Variants in MAK observed in about 807,000 individuals in gnomAD.
MAK encodes serine/threonine-protein kinase MAK.
A neutral mutation model predicts 82.6 loss-of-function variants in MAK; 65 were observed. The observed-to-expected ratio is 0.79, with a 90% CI of 0.64 to 0.97. MAK has a LOEUF of 0.97. Among genes scored for constraint, MAK ranks in the 50% least tolerant of loss-of-function variants. The pLI, the probability that MAK is intolerant of heterozygous loss-of-function variation, is 0.00. For missense variants in MAK, 703 were observed against 780.2 expected, an observed-to-expected ratio of 0.90 and a Z score of 1.18; for synonymous variants, 250 against 274.2, an observed-to-expected ratio of 0.91 and a Z score of 0.87.
chr6:10,784,989 T>G, intron 10 of MAK: 1 of 440,188 alleles, frequency 2.3e-6, no homozygotes, highest in Non-Finnish European at 4.5e-6. Context: ...AAAACTGAAA[T>G]GGGGAAAGAA....
intron 14 of MAK, 25 bp from the exon 15 acceptor site, chr6:10,764,631 C>T (rs1334850111): frequency 6.8e-6 from 11 of 1,607,994 alleles, no homozygotes; most frequent in Non-Finnish European, 9.4e-6. Context: ...ATTTGGAAAA[C>T]AGGGTTTTAC....
At chr6:10,837,765 T>C (rs1387138328) in intron 1 of MAK, among the ~76,000 whole-genome samples, 3 of 152,186 alleles carry the variant, frequency 2.0e-5, no homozygotes, top group Admixed American at 1.3e-4. Context: ...TCTCGACCTG[T>C]CCCTAAATTA....
chr6:10,788,826 G>T lies in MAK; in HGVS notation c.1316+2849C>A, dbSNP rs949560166. On this transcript the variant is annotated intron_variant, in intron 10 of 14. Coordinates refer to ENST00000354489, the MANE Select transcript of MAK (RefSeq NM_001242957.3). ...CTTCTGTTCCTAGACCCAAATAATT[G>T]TTTTTTAAATTATGTAACTCCCTGC... 5.9e-5 allele frequency among the ~76,000 whole-genome samples: 9 copies of T among 152,036 alleles called. No individual in the cohort carries two copies. The East Asian group carries it at 1.7e-3, about 29-fold the overall frequency.
intron 5 of MAK, among the ~76,000 whole-genome samples, chr6:10,813,124 ATATATATATAAATTT>A (rs1225576256): frequency 0.012 from 10 of 816 alleles, 1 homozygote; most frequent in Non-Finnish European, 0.023. Flanking sequence ...ATATATATAT[ATATATATATAAATTT>A]TTTTTTTTTT....
At chr6:10,834,329 A>T (rs1050801290) in intron 1 of MAK, among the ~76,000 whole-genome samples, 32 of 152,236 alleles carry the variant, frequency 2.1e-4, no homozygotes, top group African/African-American at 7.7e-4. Context: ...ACATGGAAGG[A>T]TTAAATGACC....
At chr6:10,781,243 G>T (rs1422798881) in intron 11 of MAK, among the ~76,000 whole-genome samples, 3 of 152,138 alleles carry the variant, frequency 2.0e-5, no homozygotes, top group African/African-American at 7.2e-5. Flanking sequence ...CTCATTCTGT[G>T]AGTGTCATGA....
In MAK at chr6:10,763,099, A is replaced by T. The variant is rs571917592; in HGVS notation, c.*1353T>A. The T allele has an allele frequency of 6.6e-6, 1 of 152,670 alleles. No homozygotes were observed. Among genetic ancestry groups the T allele is most frequent in the Admixed American group, 6.5e-5 (1 of 15,280 alleles). 9.5% of individuals were successfully genotyped at this position (152,670 alleles called of 1,614,324 possible). ...TGGCAGATTTAAACAGAGTAGCCCAAAGTTCGAAGTGTCTATTTAAAATAC... is the reference window on the plus strand; with the variant it reads ...TGGCAGATTTAAACAGAGTAGCCCATAGTTCGAAGTGTCTATTTAAAATAC... On this transcript the variant is annotated 3_prime_UTR_variant, in exon 15 of 15. Coordinates refer to ENST00000354489, the MANE Select transcript of MAK (RefSeq NM_001242957.3).
Position 10,764,445 on chromosome 6 carries a change from T to C in MAK, c.*7A>G, listed in dbSNP as rs370549111. The C allele has an allele frequency of 1.2e-6, 2 of 1,613,688 alleles. No individual in the cohort carries two copies. Among genetic ancestry groups the C allele is most frequent in the African/African-American group, 1.3e-5 (1 of 74,898 alleles). ...AGCAATGCTGTAGGGTTTCACACCATAGACTCCTACCGGTGGCCTCCATAC... is the reference window on the plus strand; with the variant it reads ...AGCAATGCTGTAGGGTTTCACACCACAGACTCCTACCGGTGGCCTCCATAC... On this transcript the variant is annotated 3_prime_UTR_variant, in exon 15 of 15. Coordinates refer to ENST00000354489, the MANE Select transcript of MAK (RefSeq NM_001242957.3).
intron 2 of MAK, among the ~76,000 whole-genome samples, chr6:10,829,532 C>T (rs1420733230): frequency 2.0e-5 from 3 of 152,078 alleles, no homozygotes; most frequent in Non-Finnish European, 2.9e-5. Flanking sequence ...CACCACTGCA[C>T]GCCAGCCTGG....
At chr6:10,764,661 A>G in intron 14 of MAK, 55 bp from the exon 15 acceptor site, 4 of 1,478,800 alleles carry the variant, frequency 2.7e-6, no homozygotes, top group Middle Eastern at 1.7e-4. Context: ...TATCAAACTC[A>G]AAATAAAGAA....
chr6:10,779,484 A>G, intron 11 of MAK: 1 of 985,286 alleles, frequency 1.0e-6, no homozygotes, highest in Non-Finnish European at 1.2e-6. Context: ...CTTGTAGTAT[A>G]ATGTCATGCT....
chr6:10,803,411 G>A (rs1302866601), intron 7 of MAK, among the ~76,000 whole-genome samples: 1 of 151,942 alleles, frequency 6.6e-6, no homozygotes, highest in Non-Finnish European at 1.5e-5. Flanking sequence ...CAGGCGTGGT[G>A]GTGCACACCT....
intron 1 of MAK, among the ~76,000 whole-genome samples, chr6:10,836,596 T>TTAAA: frequency 6.6e-6 from 1 of 152,232 alleles, no homozygotes; most frequent in Non-Finnish European, 1.5e-5. Flanking sequence ...CCCATGGTTC[T>TTAAA]CCAGTTCACG....
At position 10,803,705 on chromosome 6, in the gene MAK, G is replaced by A. The variant is rs914053587; in HGVS notation, c.663+15C>T. The A allele has an allele frequency of 1.2e-6, 2 of 1,607,206 alleles. No individual in the cohort carries two copies. Among genetic ancestry groups the A allele is most frequent in the Non-Finnish European group, 1.7e-6 (2 of 1,173,814 alleles). On this transcript the variant is annotated intron_variant, in intron 7 of 14. Transcript: ENST00000354489. ...TAATCAAAAGTTATAGCAACTTAGG[G>A]ACAAGAGTACTTACTTTTTTGGGAG...
chr6:10,807,359 T>TC (rs1776563419), intron 6 of MAK, among the ~76,000 whole-genome samples: 1 of 92,982 alleles, frequency 1.1e-5, no homozygotes, highest in Non-Finnish European at 2.4e-5. Context: ...TTTTTTTTTT[T>TC]TGAGAAAGAG....
intron 11 of MAK, among the ~76,000 whole-genome samples, chr6:10,783,429 TCTC>T (rs1313467702): frequency 2.0e-5 from 3 of 152,058 alleles, no homozygotes; most frequent in African/African-American, 7.2e-5. Context: ...TCCACAATCT[TCTC>T]CTCTTCTAAT....
chr6:10,773,171 G>A lies in MAK; in HGVS notation c.1598-63C>T, dbSNP rs577182776. The A allele has an allele frequency of 2.0e-4, 180 of 888,796 alleles. 1 individual carries two copies. In the Admixed American group the frequency reaches 2.0e-3, roughly 10 times the overall value. The allele number at this position is 888,796 out of a possible 1,614,324, so 55.1% of individuals were successfully genotyped here. ...AGGAGAATGTTATAGGAAAAGCAGA[G>A]AAAAAATGGATTAGATGATTAATGA... On this transcript the variant is annotated intron_variant, in intron 12 of 14. Coordinates refer to ENST00000354489, the MANE Select transcript of MAK (RefSeq NM_001242957.3).
At chr6:10,791,559 A>T (rs1581688485) in intron 10 of MAK, 116 bp downstream of exon 10, 1 of 939,000 alleles carries the variant, frequency 1.1e-6, no homozygotes, top group East Asian at 2.6e-5. Flanking sequence ...GAGCCACTAC[A>T]CCTGGCCTGT....
intron 6 of MAK, among the ~76,000 whole-genome samples, chr6:10,806,369 C>T (rs1776455742): frequency 7.4e-6 from 1 of 135,300 alleles, no homozygotes; most frequent in South Asian, 2.4e-4. Context: ...TGCTCTGTCA[C>T]CCAGGCTGGA....
Sources: allele counts gnomAD v4.1 joint callset (sites outside exome capture counted in the v4.1 genomes callset), GRCh38; gene constraint gnomAD v4.1.1; transcripts MANE v1.5; gene names NCBI Gene and HGNC (gene_info 2026-07-23, HGNC 2026-07-21).